Variants in SLC4A10 observed in about 807,000 individuals in gnomAD.
SLC4A10 encodes the protein solute carrier family 4 member 10, also known as sodium-driven chloride bicarbonate exchanger.
Under a neutral mutation model 137.7 loss-of-function variants are expected in SLC4A10, and 42 were observed. The observed-to-expected ratio is 0.30, with a 90% CI of 0.24 to 0.39. SLC4A10 has a LOEUF of 0.39. SLC4A10 is among the 10% of genes least tolerant of loss of function. The pLI is 1.00. For synonymous variants in SLC4A10, 474 were observed against 464.1 expected, an observed-to-expected ratio of 1.02 and a Z score of -0.27; for missense variants, 925 against 1,355.0, an observed-to-expected ratio of 0.68 and a Z score of 4.98.
At chr2:161,845,601 A>G (rs1419860595) in intron 4 of SLC4A10, among the ~76,000 whole-genome samples, 1 of 152,150 alleles carries the variant, frequency 6.6e-6, no homozygotes, top group East Asian at 1.9e-4. Context: ...GGAAGGAAGA[A>G]TAATTGGATT....
intron 1 of SLC4A10, among the ~76,000 whole-genome samples, chr2:161,769,211 G>A (rs749251515): frequency 2.0e-5 from 3 of 151,754 alleles, no homozygotes; most frequent in East Asian, 1.9e-4. Context: ...TCTGCTTAGC[G>A]GGCCCATATC....
chr2:161,869,613 A>G (rs1223085712), intron 6 of SLC4A10, among the ~76,000 whole-genome samples: 1 of 151,608 alleles, frequency 6.6e-6, no homozygotes, highest in Non-Finnish European at 1.5e-5. Context: ...AATAGTATCT[A>G]TACATCGTTC....
At chr2:161,780,523 CA>C in intron 2 of SLC4A10, among the ~76,000 whole-genome samples, 1 of 152,102 alleles carries the variant, frequency 6.6e-6, no homozygotes, top group Non-Finnish European at 1.5e-5. Context: ...GTACCAGTTT[CA>C]GGCAATTTAA....
At chr2:161,634,180 G>A (rs931320670) in intron 1 of SLC4A10, among the ~76,000 whole-genome samples, 3 of 151,658 alleles carry the variant, frequency 2.0e-5, no homozygotes, top group African/African-American at 7.3e-5. Flanking sequence ...TCATGACCTT[G>A]TCACTCTTGA....
chr2:161,856,691 T>TAAAA (rs1445795424), intron 5 of SLC4A10, among the ~76,000 whole-genome samples: 1 of 152,094 alleles, frequency 6.6e-6, no homozygotes, highest in African/African-American at 2.4e-5. Context: ...CAATAAACAT[T>TAAAA]TTTATATTTT....
intron 2 of SLC4A10, among the ~76,000 whole-genome samples, chr2:161,777,304 G>A (rs1339940510): frequency 6.6e-6 from 1 of 151,656 alleles, no homozygotes; most frequent in Non-Finnish European, 1.5e-5. Flanking sequence ...TATTCTATAT[G>A]TTGCCTATTA....
intron 3 of SLC4A10, among the ~76,000 whole-genome samples, chr2:161,836,365 G>T (rs1007517929): frequency 6.6e-6 from 1 of 152,040 alleles, no homozygotes. Context: ...GGGTGTGGTG[G>T]TGCATGCCTG....
intron 16 of SLC4A10, among the ~76,000 whole-genome samples, chr2:161,944,849 C>T (rs1693442094): frequency 6.6e-6 from 1 of 150,902 alleles, no homozygotes; most frequent in African/African-American, 2.4e-5. Context: ...TTCATAATGT[C>T]ATCAAAAATA....
chr2:161,832,727 G>A (rs927811117), intron 3 of SLC4A10, among the ~76,000 whole-genome samples: 2 of 150,922 alleles, frequency 1.3e-5, no homozygotes, highest in Non-Finnish European at 3.0e-5. Context: ...TTTTTTTGTT[G>A]TTGTTGTTTT....
intron 6 of SLC4A10, among the ~76,000 whole-genome samples, chr2:161,865,445 A>G (rs546858255): frequency 1.2e-4 from 19 of 152,202 alleles, no homozygotes; most frequent in Admixed American, 1.2e-3. Flanking sequence ...CTTTATCTGA[A>G]CACATACAAA....
At chr2:161,906,436 G>A (rs1349187472) in intron 15 of SLC4A10, among the ~76,000 whole-genome samples, 1 of 152,166 alleles carries the variant, frequency 6.6e-6, no homozygotes, top group African/African-American at 2.4e-5. Flanking sequence ...TGTTGAAGTT[G>A]ATGTTACAGT....
chr2:161,958,819 A>G (rs945219235), intron 21 of SLC4A10, among the ~76,000 whole-genome samples: 2 of 152,216 alleles, frequency 1.3e-5, no homozygotes, highest in African/African-American at 4.8e-5. Context: ...TAGAAAAATC[A>G]TAGTAGTATA....
intron 1 of SLC4A10, among the ~76,000 whole-genome samples, chr2:161,667,007 C>G (rs1159510100): frequency 6.6e-6 from 1 of 151,348 alleles, no homozygotes; most frequent in Non-Finnish European, 1.5e-5. Context: ...ATTTTTTGAG[C>G]TGTTGAGGTT....
At chr2:161,876,522 T>C (rs1049213430) in intron 8 of SLC4A10, among the ~76,000 whole-genome samples, 1 of 151,916 alleles carries the variant, frequency 6.6e-6, no homozygotes, top group African/African-American at 2.4e-5. Flanking sequence ...CTACAAAATC[T>C]AGAAAAAATC....
intron 1 of SLC4A10, among the ~76,000 whole-genome samples, chr2:161,631,301 C>T (rs559469571): frequency 1.3e-5 from 2 of 151,630 alleles, no homozygotes; most frequent in East Asian, 1.9e-4. Context: ...GTTATGTAAA[C>T]GTTATTTCAA....
intron 1 of SLC4A10, among the ~76,000 whole-genome samples, chr2:161,659,187 AG>A (rs1306784597): frequency 6.6e-6 from 1 of 152,248 alleles, no homozygotes; most frequent in Non-Finnish European, 1.5e-5. Flanking sequence ...GATAAATAAA[AG>A]ATGGTATATA....
chr2:161,716,991 T>A (rs879109354), intron 1 of SLC4A10, among the ~76,000 whole-genome samples: 3 of 152,188 alleles, frequency 2.0e-5, no homozygotes, highest in African/African-American at 7.2e-5. Flanking sequence ...TGGTTTGTAG[T>A]TCTCCTTGAA....
intron 1 of SLC4A10, among the ~76,000 whole-genome samples, chr2:161,639,213 T>C (rs966842231): frequency 2.1e-4 from 32 of 152,052 alleles, no homozygotes; most frequent in African/African-American, 7.5e-4. Flanking sequence ...AAAGAACAAA[T>C]GCCATTCTTC....
chr2:161,939,084 T>C (rs1359968607), intron 15 of SLC4A10, among the ~76,000 whole-genome samples: 2 of 152,186 alleles, frequency 1.3e-5, no homozygotes, highest in Non-Finnish European at 2.9e-5. Flanking sequence ...TTTATTTTTA[T>C]TTTATTTTAT....
Sources: gnomAD v4.1 joint callset for allele counts (sites outside exome capture counted in the v4.1 genomes callset) on GRCh38, gnomAD v4.1.1 for gene constraint, MANE v1.5 for transcripts, NCBI Gene and HGNC (gene_info 2026-07-23, HGNC 2026-07-21) for gene names.